PRKCB: variants seen among roughly 807,000 people sequenced by gnomAD.
PRKCB encodes protein kinase C beta type.
In PRKCB, 13 loss-of-function variants were observed where a neutral mutation model predicts 81.5. The observed-to-expected ratio is 0.16, with a 90% CI of 0.10 to 0.25. The LOEUF is 0.25. Among genes scored for constraint, PRKCB ranks in the 10% least tolerant of loss-of-function variants. The pLI is 1.00. For missense variants in PRKCB, 509 were observed against 875.7 expected, an observed-to-expected ratio of 0.58 and a Z score of 5.29; for synonymous variants, 335 against 321.4, an observed-to-expected ratio of 1.04 and a Z score of -0.45.
At chr16:23,958,890 C>T (rs890146900) in intron 2 of PRKCB, among the ~76,000 whole-genome samples, 1 of 152,050 alleles carries the variant, frequency 6.6e-6, no homozygotes, top group African/African-American at 2.4e-5. Context: ...AAGGTAACAG[C>T]GTAGTGGTGG....
At chr16:23,861,664 G>A (rs1962667052) in intron 2 of PRKCB, among the ~76,000 whole-genome samples, 2 of 152,254 alleles carry the variant, frequency 1.3e-5, no homozygotes, top group South Asian at 2.1e-4. Context: ...ATACTCACAG[G>A]GCAAAGCAGG....
At chr16:24,009,590 T>A (rs1965174175) in intron 3 of PRKCB, among the ~76,000 whole-genome samples, 3 of 131,948 alleles carry the variant, frequency 2.3e-5, no homozygotes, top group Admixed American at 1.4e-4. Context: ...ACGCCCGGCC[T>A]ATTTTTTTTT....
intron 12 of PRKCB, among the ~76,000 whole-genome samples, chr16:24,179,780 C>A (rs1967590344): frequency 6.6e-6 from 1 of 152,178 alleles, no homozygotes; most frequent in African/African-American, 2.4e-5. Context: ...TCTTTATTTT[C>A]ATCATACCAC....
At chr16:24,199,446 A>G (rs1002803280) in intron 16 of PRKCB, among the ~76,000 whole-genome samples, 2 of 151,890 alleles carry the variant, frequency 1.3e-5, no homozygotes, top group African/African-American at 4.8e-5. Flanking sequence ...ACATTTCTGA[A>G]TTGAATCCAG....
intron 5 of PRKCB, among the ~76,000 whole-genome samples, chr16:24,078,224 C>T (rs1966204588): frequency 6.6e-6 from 1 of 152,220 alleles, no homozygotes; most frequent in Non-Finnish European, 1.5e-5. Flanking sequence ...GCCATGTCTG[C>T]AGCCGCTGCA....
In PRKCB at chr16:23,836,124, T is replaced by TCCCGCGGC; in HGVS notation, c.-47_-40dup. ...CGCCTCCCCGGCCCGCAGCCCGCGG[T>TCCCGCGGC]CCCGCGGCCCCGGGGCCGGCACCTC... On this transcript the variant is annotated 5_prime_UTR_variant, in exon 1 of 17. Coordinates refer to ENST00000643927, the MANE Select transcript of PRKCB (RefSeq NM_002738.7). 3 of 1,197,122 alleles carry TCCCGCGGC rather than the reference T, an allele frequency of 2.5e-6. No individual in the cohort carries two copies. Among genetic ancestry groups the TCCCGCGGC allele is most frequent in the Non-Finnish European group, 3.1e-6 (3 of 957,314 alleles). The allele number at this position is 1,197,122 out of a possible 1,614,324, so 74.2% of individuals were successfully genotyped here.
At chr16:24,119,216 G>A (rs1393827924) in intron 8 of PRKCB, among the ~76,000 whole-genome samples, 1 of 151,710 alleles carries the variant, frequency 6.6e-6, no homozygotes, top group Non-Finnish European at 1.5e-5. Context: ...ATAAAAGCAA[G>A]CTGGGAGGGA....
At chr16:23,968,461 G>C (rs919342532) in intron 2 of PRKCB, among the ~76,000 whole-genome samples, 2 of 152,138 alleles carry the variant, frequency 1.3e-5, no homozygotes, top group African/African-American at 2.4e-5. Context: ...AAGAAGGAAG[G>C]CATCGCCAGC....
intron 2 of PRKCB, among the ~76,000 whole-genome samples, chr16:23,971,946 CA>C (rs1312583410): frequency 1.3e-5 from 2 of 151,920 alleles, no homozygotes; most frequent in Non-Finnish European, 2.9e-5. Context: ...TATGCCCACA[CA>C]AAAAATGAAT....
At chr16:23,905,029 G>T (rs948589289) in intron 2 of PRKCB, among the ~76,000 whole-genome samples, 5 of 145,656 alleles carry the variant, frequency 3.4e-5, no homozygotes, top group Non-Finnish European at 6.0e-5. Context: ...CTTTGCATTG[G>T]TCCTTTTTTT....
intron 2 of PRKCB, among the ~76,000 whole-genome samples, chr16:23,892,248 C>T (rs1346948644): frequency 1.3e-5 from 2 of 151,992 alleles, no homozygotes; most frequent in Non-Finnish European, 1.5e-5. Flanking sequence ...TTTCTCCATC[C>T]GTCTCAATTA....
chr16:24,216,236 G>C lies in PRKCB; in HGVS notation c.*1420G>C. On this transcript the variant is annotated 3_prime_UTR_variant, in exon 17 of 17. Transcript: ENST00000643927. ...GGCCAGAGCCAACGAGGATACTGGA[G>C]CCCAAAGTCAAGTTTAGAGACCAGC... The C allele has an allele frequency of 1.0e-6, 1 of 985,456 alleles. No homozygotes were observed. The highest frequency in any genetic ancestry group is 1.2e-6 in the Non-Finnish European group (1 of 829,958). 61.0% of individuals were successfully genotyped at this position (985,456 alleles called of 1,614,324 possible).
rs531355904 is a variant in PRKCB at position 23,943,427 on chromosome 16, G to A, written c.206-45081G>A. 2.0e-5 allele frequency among the ~76,000 whole-genome samples: 3 copies of A among 152,280 alleles called. No homozygotes were observed. The South Asian group carries it at 6.2e-4, about 32-fold the overall frequency. On this transcript the variant is annotated intron_variant, in intron 2 of 16. Transcript: ENST00000643927. ...ACCTGCAGTCCCAGCTACTTGGGAG[G>A]CTGAGGCGGGAGGATCACTGGAGCC...
intron 2 of PRKCB, among the ~76,000 whole-genome samples, chr16:23,931,181 C>T (rs1963968632): frequency 6.6e-6 from 1 of 152,324 alleles, no homozygotes; most frequent in East Asian, 1.9e-4. Flanking sequence ...ACCTTTAATG[C>T]CGCTGTTAGC....
In PRKCB at chr16:23,924,541, C is replaced by A. The variant is rs554152346; in HGVS notation, c.206-63967C>A. ...GTTCTTCTTGTTAACCATCTAGTTTCTGTTTCCTCTTGTGACACATATATT... is the reference window on the plus strand; with the variant it reads ...GTTCTTCTTGTTAACCATCTAGTTTATGTTTCCTCTTGTGACACATATATT... On this transcript the variant is annotated intron_variant, in intron 2 of 16. Transcript: ENST00000643927. 3.3e-5 allele frequency among the ~76,000 whole-genome samples: 5 copies of A among 152,118 alleles called. No individual in the cohort carries two copies. In the East Asian group the frequency reaches 9.6e-4, roughly 29 times the overall value.
chr16:24,112,372 A>AT (rs937664261), intron 7 of PRKCB, among the ~76,000 whole-genome samples: 10 of 151,502 alleles, frequency 6.6e-5, no homozygotes, highest in Non-Finnish European at 1.5e-4. Flanking sequence ...CTACAAAAAA[A>AT]TTTTTTTTTG....
chr16:24,124,132 G>A, intron 9 of PRKCB, 151 bp downstream of exon 9: 1 of 986,112 alleles, frequency 1.0e-6, no homozygotes, highest in South Asian at 1.6e-5. Context: ...TACCATGAAG[G>A]AAATGAATGG....
intron 10 of PRKCB, among the ~76,000 whole-genome samples, chr16:24,167,487 G>T (rs1410889791): frequency 4.6e-5 from 7 of 152,050 alleles, no homozygotes; most frequent in Admixed American, 3.9e-4. Context: ...TTGAGCCTGG[G>T]AGGTTGAGGC....
intron 7 of PRKCB, among the ~76,000 whole-genome samples, chr16:24,109,380 A>G (rs1206482778): frequency 8.7e-6 from 1 of 115,512 alleles, no homozygotes; most frequent in African/African-American, 3.9e-5. Context: ...GGGGCTCCTC[A>G]CTTCTCAGAC....
Sources: gnomAD v4.1 joint callset for allele counts (sites outside exome capture counted in the v4.1 genomes callset) on GRCh38, gnomAD v4.1.1 for gene constraint, MANE v1.5 for transcripts, NCBI Gene and HGNC (gene_info 2026-07-23, HGNC 2026-07-21) for gene names.